EPHA3: variants seen among roughly 807,000 people sequenced by gnomAD.
EPHA3 encodes the protein EPH receptor A3.
EPHA3 carries 42 observed loss-of-function variants against 107.1 expected under a neutral mutation model. The observed-to-expected ratio is 0.39, with a 90% confidence interval of 0.31 to 0.51. EPHA3 has a LOEUF of 0.51. EPHA3 is among the 20% of genes least tolerant of loss of function. EPHA3 has a pLI of 0.78. For synonymous variants in EPHA3, 461 were observed against 424.8 expected (o/e 1.09, Z -1.05); for missense variants, 1,183 against 1,211.2 (o/e 0.98, Z 0.35).
chr3:89,322,161 A>G (rs1378794361), intron 3 of EPHA3, among the ~76,000 whole-genome samples: 1 of 151,962 alleles, frequency 6.6e-6, no homozygotes, highest in Admixed American at 6.6e-5. Flanking sequence ...AAAACAGTAT[A>G]TACTTATCGC....
At chr3:89,247,471 T>A (rs1705063084) in intron 3 of EPHA3, among the ~76,000 whole-genome samples, 1 of 152,188 alleles carries the variant, frequency 6.6e-6, no homozygotes, top group Non-Finnish European at 1.5e-5. Flanking sequence ...GAAAATGTTA[T>A]CTGGAGCTTT....
intron 16 of EPHA3, among the ~76,000 whole-genome samples, chr3:89,479,013 A>G (rs1339431358): frequency 6.6e-6 from 1 of 152,134 alleles, no homozygotes; most frequent in Admixed American, 6.5e-5. Flanking sequence ...CTCTGACTCC[A>G]TTTGTACATC....
intron 3 of EPHA3, among the ~76,000 whole-genome samples, chr3:89,229,852 G>T (rs1225665903): frequency 6.6e-6 from 1 of 151,958 alleles, no homozygotes; most frequent in African/African-American, 2.4e-5. Flanking sequence ...TTTTTACATG[G>T]ATGACATTGA....
intron 5 of EPHA3, among the ~76,000 whole-genome samples, chr3:89,390,243 C>T (rs1302307482): frequency 6.6e-6 from 1 of 152,094 alleles, no homozygotes. Flanking sequence ...CCCACCTCAG[C>T]CTCCCAAAGT....
At chr3:89,408,934 CCTT>C (rs1709106416) in intron 9 of EPHA3, among the ~76,000 whole-genome samples, 1 of 151,942 alleles carries the variant, frequency 6.6e-6, no homozygotes, top group African/African-American at 2.4e-5. Flanking sequence ...TTCACTATTG[CCTT>C]CTAAAATTAT....
intron 2 of EPHA3, among the ~76,000 whole-genome samples, chr3:89,164,716 A>G (rs1185030644): frequency 1.3e-5 from 2 of 152,168 alleles, no homozygotes; most frequent in East Asian, 1.9e-4. Flanking sequence ...CAATGAAAGT[A>G]TATGCTTTTC....
chr3:89,351,392 G>C lies in EPHA3; in HGVS notation c.1306+9302G>C, dbSNP rs564640215. Among the ~76,000 whole-genome samples the C allele has an allele frequency of 1.1e-4, 17 of 150,716 alleles. 1 individual carries two copies. Among genetic ancestry groups the C allele is most frequent in the Non-Finnish European group, 2.2e-4 (15 of 67,356 alleles). On this transcript the variant is annotated intron_variant, in intron 5 of 16. Coordinates refer to ENST00000336596, the MANE Select transcript of EPHA3 (RefSeq NM_005233.6). ...GTGACCCGATTTTCCAGGTGCGTCC[G>C]TCACCCCTTTCTTTGACTCGGAAAG... is the stretch of plus-strand genomic sequence containing the variant.
intron 2 of EPHA3, among the ~76,000 whole-genome samples, chr3:89,172,536 TA>T (rs1309913068): frequency 6.6e-6 from 1 of 152,208 alleles, no homozygotes; most frequent in African/African-American, 2.4e-5. Context: ...ACATATTAAT[TA>T]GTTGCAATGC....
At chr3:89,355,684 A>G (rs1707931546) in intron 5 of EPHA3, among the ~76,000 whole-genome samples, 1 of 150,880 alleles carries the variant, frequency 6.6e-6, no homozygotes, top group African/African-American at 2.4e-5. Flanking sequence ...GTGAGGAGTA[A>G]ATAAAATGAG....
chr3:89,443,644 T>C (rs1321332280), intron 13 of EPHA3, among the ~76,000 whole-genome samples: 1 of 152,166 alleles, frequency 6.6e-6, no homozygotes, highest in African/African-American at 2.4e-5. Flanking sequence ...TTATTCTCAC[T>C]TGACAGAACA....
chr3:89,286,710 A>T (rs1706091968), intron 3 of EPHA3, among the ~76,000 whole-genome samples: 3 of 152,188 alleles, frequency 2.0e-5, no homozygotes, highest in African/African-American at 7.2e-5. Context: ...TTAGGAAGAT[A>T]ACCAAATTAT....
chr3:89,373,388 A>G (rs116782080), intron 5 of EPHA3, among the ~76,000 whole-genome samples: 2,318 of 152,008 alleles, frequency 0.015, 43 homozygotes, highest in African/African-American at 0.053. Flanking sequence ...TAGGCTTTAT[A>G]TAGATAACTT....
At chr3:89,118,937 G>C (rs1240419629) in intron 1 of EPHA3, among the ~76,000 whole-genome samples, 1 of 151,832 alleles carries the variant, frequency 6.6e-6, no homozygotes, top group Non-Finnish European at 1.5e-5. Flanking sequence ...TTAAGTCCCA[G>C]AACAGAGTCC....
chr3:89,416,409 C>A (rs998508005), intron 10 of EPHA3, among the ~76,000 whole-genome samples: 1 of 151,320 alleles, frequency 6.6e-6, no homozygotes, highest in Non-Finnish European at 1.5e-5. Context: ...TTGCAAATTG[C>A]ATTTGCCCAG....
intron 5 of EPHA3, among the ~76,000 whole-genome samples, chr3:89,393,586 T>C (rs1708787452): frequency 6.6e-6 from 1 of 152,204 alleles, no homozygotes; most frequent in Non-Finnish European, 1.5e-5. Context: ...GTTCCAACAT[T>C]AAGCTTCTTG....
intron 1 of EPHA3, among the ~76,000 whole-genome samples, chr3:89,118,742 G>A (rs1198039267): frequency 6.6e-6 from 1 of 151,732 alleles, no homozygotes; most frequent in Non-Finnish European, 1.5e-5. Flanking sequence ...GTACTTATCT[G>A]AGGATTAGTT....
At chr3:89,359,435 G>T (rs376066795) in intron 5 of EPHA3, among the ~76,000 whole-genome samples, 3 of 150,618 alleles carry the variant, frequency 2.0e-5, no homozygotes, top group African/African-American at 4.8e-5. Flanking sequence ...TTTTATCTAT[G>T]TTAATCTACA....
chr3:89,388,858 A>G (rs1708672574), intron 5 of EPHA3, among the ~76,000 whole-genome samples: 1 of 152,188 alleles, frequency 6.6e-6, no homozygotes, highest in Admixed American at 6.5e-5. Flanking sequence ...AAATTATGTG[A>G]TTTTGAAAGA....
intron 1 of EPHA3, among the ~76,000 whole-genome samples, chr3:89,120,881 G>A (rs1053616319): frequency 1.3e-5 from 2 of 152,166 alleles, no homozygotes; most frequent in African/African-American, 4.8e-5. Context: ...CACATAAATA[G>A]GCTGTTAAAA....
Sources: gnomAD v4.1 joint callset for allele counts (sites outside exome capture counted in the v4.1 genomes callset) on GRCh38, gnomAD v4.1.1 for gene constraint, MANE v1.5 for transcripts, NCBI Gene and HGNC (gene_info 2026-07-23, HGNC 2026-07-21) for gene names.